DLG2: variants seen among roughly 807,000 people sequenced by gnomAD.
The protein encoded by DLG2 is discs large MAGUK scaffold protein 2.
A neutral mutation model predicts 132.5 loss-of-function variants in DLG2; 45 were observed. The ratio of observed to expected loss-of-function variants is 0.34; its 90% CI spans 0.27 to 0.44. The LOEUF is 0.44. Among genes scored for constraint, DLG2 ranks in the 20% least tolerant of loss-of-function variants. The pLI, the probability that DLG2 is intolerant of heterozygous loss-of-function variation, is 1.00. For synonymous variants in DLG2, 424 were observed against 419.6 expected (o/e 1.01, Z -0.13); for missense variants, 1,045 against 1,196.9 (o/e 0.87, Z 1.87).
chr11:84,512,665 A>G (rs1415362849), intron 7 of DLG2, among the ~76,000 whole-genome samples: 1 of 152,142 alleles, frequency 6.6e-6, no homozygotes, highest in African/African-American at 2.4e-5. Context: ...CAATACAGCT[A>G]CCAGCAGACT....
At chr11:84,373,158 G>A (rs1355908490) in intron 7 of DLG2, among the ~76,000 whole-genome samples, 2 of 145,390 alleles carry the variant, frequency 1.4e-5, no homozygotes, top group South Asian at 2.2e-4. Context: ...CAAATGCAAG[G>A]CCAACGTTCA....
intron 11 of DLG2, among the ~76,000 whole-genome samples, chr11:83,994,769 A>C (rs1354065896): frequency 6.6e-6 from 1 of 152,106 alleles, no homozygotes; most frequent in African/African-American, 2.4e-5. Context: ...ACTATCTCAA[A>C]GTTCTGCAGG....
rs374791728 is a variant in DLG2 at position 84,502,238 on chromosome 11, C to T, written c.519+32332G>A. Among the ~76,000 whole-genome samples the T allele has an allele frequency of 6.2e-5, 2 of 32,078 alleles. 1 individual carries two copies. The highest frequency in any genetic ancestry group is 1.1e-3 in the African/African-American group (2 of 1,794). The allele number at this position is 32,078 out of a possible 152,430, so 21.0% of individuals were successfully genotyped here. ...TCCTTCCTTCCTTCCTTCCTTCCTT[C>T]CTTCCTTCCTTCCTTCCTTCCTTCC... On this transcript the variant is annotated intron_variant, in intron 7 of 27. Transcript: ENST00000376104.
At chr11:84,932,859 T>A (rs1355086829) in intron 6 of DLG2, among the ~76,000 whole-genome samples, 1 of 152,204 alleles carries the variant, frequency 6.6e-6, no homozygotes, top group African/African-American at 2.4e-5. Context: ...TGATTTATAT[T>A]CCTTTGGGTA....
chr11:84,094,707 A>G (rs7126434), intron 10 of DLG2, among the ~76,000 whole-genome samples: 3,042 of 152,260 alleles, frequency 0.02, 98 homozygotes, highest in African/African-American at 0.068. Context: ...GACATGCAGG[A>G]GTACTCCACC....
chr11:84,349,284 C>A (rs1439831447), intron 7 of DLG2, among the ~76,000 whole-genome samples: 1 of 152,192 alleles, frequency 6.6e-6, no homozygotes, highest in South Asian at 2.1e-4. Flanking sequence ...TTCCCAAAGG[C>A]ATGGTGTCTA....
intron 8 of DLG2, among the ~76,000 whole-genome samples, chr11:84,181,541 A>G (rs1209333133): frequency 6.6e-6 from 1 of 152,096 alleles, no homozygotes; most frequent in Non-Finnish European, 1.5e-5. Context: ...CACTTTAAAT[A>G]TCAATGGTAT....
chr11:84,004,405 T>C (rs1301132997), intron 11 of DLG2, among the ~76,000 whole-genome samples: 3 of 151,984 alleles, frequency 2.0e-5, no homozygotes, highest in Non-Finnish European at 4.4e-5. Context: ...AATAAAAATG[T>C]TCAACAAGCT....
At chr11:84,929,587 T>G (rs764616688) in intron 6 of DLG2, among the ~76,000 whole-genome samples, 7 of 152,070 alleles carry the variant, frequency 4.6e-5, no homozygotes, top group Non-Finnish European at 8.8e-5. Context: ...GACACAATAT[T>G]CTGAACTGTT....
At chr11:85,167,307 T>C (rs2078523569) in intron 4 of DLG2, among the ~76,000 whole-genome samples, 2 of 152,154 alleles carry the variant, frequency 1.3e-5, no homozygotes, top group African/African-American at 2.4e-5. Context: ...ATTTATAGAA[T>C]GCCTAGTTTA....
At chr11:84,130,113 C>G (rs1397291993) in intron 9 of DLG2, among the ~76,000 whole-genome samples, 1 of 151,854 alleles carries the variant, frequency 6.6e-6, no homozygotes, top group Non-Finnish European at 1.5e-5. Flanking sequence ...GAATTTATGC[C>G]AGGACACACA....
chr11:85,193,755 T>C (rs1486212545), intron 4 of DLG2, among the ~76,000 whole-genome samples: 1 of 152,248 alleles, frequency 6.6e-6, no homozygotes, highest in Non-Finnish European at 1.5e-5. Context: ...GTAAGAGTTC[T>C]TATATATGCT....
chr11:83,947,587 A>G (rs879715140), intron 14 of DLG2, among the ~76,000 whole-genome samples: 61 of 152,180 alleles, frequency 4.0e-4, no homozygotes, highest in Non-Finnish European at 5.1e-4. Flanking sequence ...CCTGGACTAA[A>G]AGTCAACATT....
chr11:84,923,426 A>G (rs1000762234), intron 6 of DLG2: 2 of 997,010 alleles, frequency 2.0e-6, no homozygotes, highest in Admixed American at 1.2e-4. Context: ...TGGATTAAAA[A>G]AAAAAAAGAA....
At chr11:84,934,515 GTTTT>G (rs2048484549) in intron 6 of DLG2, among the ~76,000 whole-genome samples, 1 of 40,510 alleles carries the variant, frequency 2.5e-5, no homozygotes, top group Admixed American at 3.3e-4. Flanking sequence ...TTTTTTTTTT[GTTTT>G]GTTTTGTTTT....
intron 6 of DLG2, among the ~76,000 whole-genome samples, chr11:84,992,530 T>G (rs1328004835): frequency 2.0e-5 from 3 of 152,200 alleles, no homozygotes; most frequent in African/African-American, 7.2e-5. Flanking sequence ...ACAGTTTATT[T>G]GAAAAGTGGC....
intron 11 of DLG2, among the ~76,000 whole-genome samples, chr11:83,985,626 T>C (rs1306800222): frequency 6.6e-6 from 1 of 152,082 alleles, no homozygotes; most frequent in Non-Finnish European, 1.5e-5. Flanking sequence ...TCTGTTCCTG[T>C]GTTACTTTGC....
chr11:85,243,869 G>T (rs1408735455), intron 4 of DLG2, among the ~76,000 whole-genome samples: 2 of 151,908 alleles, frequency 1.3e-5, no homozygotes, highest in African/African-American at 4.8e-5. Flanking sequence ...AGACAAACTG[G>T]AGTAAAATCT....
intron 6 of DLG2, among the ~76,000 whole-genome samples, chr11:84,830,819 G>A (rs993002309): frequency 1.5e-4 from 22 of 151,440 alleles, no homozygotes; most frequent in African/African-American, 5.1e-4. Flanking sequence ...AAGATAATAA[G>A]ATAATATTTA....
Sources: gnomAD v4.1 joint callset for allele counts (sites outside exome capture counted in the v4.1 genomes callset) on GRCh38, gnomAD v4.1.1 for gene constraint, MANE v1.5 for transcripts, NCBI Gene and HGNC (gene_info 2026-07-23, HGNC 2026-07-21) for gene names.